The following ETAA1 variants were observed in gnomAD, a reference collection of about 807,000 sequenced individuals.
The protein encoded by ETAA1 is ETAA1 activator of ATR kinase, also known as ewing's tumor-associated antigen 1.
Under a neutral mutation model 76.8 loss-of-function variants are expected in ETAA1, and 49 were observed. That is an observed-to-expected ratio of 0.64 (90% confidence interval 0.51 to 0.81). The LOEUF is 0.81. Among genes scored for constraint, ETAA1 ranks in the 30% least tolerant of loss-of-function variants. ETAA1 has a pLI of 0.00. For synonymous variants in ETAA1, 373 were observed against 372.2 expected, an observed-to-expected ratio of 1.00 and a Z score of -0.03; for missense variants, 1,099 against 1,074.0, an observed-to-expected ratio of 1.02 and a Z score of -0.32.
intron 1 of ETAA1, 40 bp downstream of exon 1, chr2:67,397,711 C>G: frequency 6.6e-7 from 1 of 1,525,132 alleles, no homozygotes; most frequent in South Asian, 1.2e-5. Context: ...GCTTCGGCGC[C>G]GCATCCCCAC....
At position 67,403,587 on chromosome 2, in the gene ETAA1, C is replaced by T; in HGVS notation, c.905C>T (p.Pro302Leu). 6.2e-7 allele frequency: 1 copy of T among 1,613,304 alleles called. No individual in the cohort carries two copies. Among genetic ancestry groups the T allele is most frequent in the Non-Finnish European group, 8.5e-7 (1 of 1,179,406 alleles). Residue 302 changes from proline to leucine, a missense_variant, in exon 5 of 6, where the codon CCA (proline) becomes CTA (leucine). By Grantham distance (98) the Pro-to-Leu change is moderately conservative. Around this residue, in one of 3 missense-constraint regions of ETAA1, gnomAD observed 761 missense variants for 731.9 expected, o/e 1.04. Transcript: ENST00000272342. ...AGCGGACAGTTAAGCCAAGAACTGC[C>T]AGAGGCTTTTTGGAGCACCAGTAAT... Reference protein sequence around the residue: ...KCSGQLSQELPEAFWSTSNTT... With the variant: ...KCSGQLSQELLEAFWSTSNTT...
intron 4 of ETAA1, 95 bp downstream of exon 4, chr2:67,403,069 G>C: frequency 8.4e-7 from 1 of 1,186,418 alleles, no homozygotes; most frequent in Non-Finnish European, 1.1e-6. Flanking sequence ...CAAAATTTTT[G>C]TTAATAAAAT....
chr2:67,403,591 G>A lies in ETAA1; in HGVS notation c.909G>A (p.Glu303=), dbSNP rs1259093009. 12 of 1,613,330 alleles carry A rather than the reference G, an allele frequency of 7.4e-6. No homozygotes were observed. Among genetic ancestry groups the A allele is most frequent in the Middle Eastern group, 1.6e-4 (1 of 6,062 alleles). ...GACAGTTAAGCCAAGAACTGCCAGA[G>A]GCTTTTTGGAGCACCAGTAATACTA... ...CSGQLSQELP[E]AFWSTSNTTF... is the part of the protein sequence containing the mutation. The change falls in exon 5 of 6, where the codon GAG becomes GAA. Residue 303 remains glutamate, a synonymous_variant. Transcript: ENST00000272342.
intron 5 of ETAA1, 106 bp downstream of exon 5, chr2:67,405,441 CT>C: frequency 1.3e-6 from 1 of 767,074 alleles, no homozygotes; most frequent in Non-Finnish European, 2.0e-6. Context: ...TAAAACTATT[CT>C]ATGACTAGTT....
In ETAA1 at chr2:67,404,446, A is replaced by G. The variant is rs61737411; in HGVS notation, c.1764A>G (p.Glu588=). The G allele has an allele frequency of 2.7e-3, 4,293 of 1,613,328 alleles. 86 individuals are homozygous for G. The African/African-American group carries it at 0.043, about 16-fold the overall frequency. Residue 588 remains glutamate (E), a synonymous_variant, in exon 5 of 6, where the codon GAA becomes GAG. Coordinates refer to ENST00000272342, the MANE Select transcript of ETAA1 (RefSeq NM_019002.4). ...GGAATGATCCCTCATTTGCCAATGAAATTATTAAAGCATGTCATCAATTAG... is the reference window on the plus strand; with the variant it reads ...GGAATGATCCCTCATTTGCCAATGAGATTATTAAAGCATGTCATCAATTAG... ...DDWNDPSFAN[E]IIKACHQLDN...
chr2:67,405,181 T>C lies in ETAA1; in HGVS notation c.2499T>C (p.Ser833=). The C allele has an allele frequency of 1.9e-6, 3 of 1,612,506 alleles. No homozygotes were observed. Among genetic ancestry groups the C allele is most frequent in the Non-Finnish European group, 2.5e-6 (3 of 1,179,178 alleles). The change falls in exon 5 of 6, where the codon TCT becomes TCC. Residue 833 remains serine (S), a synonymous_variant. Coordinates refer to ENST00000272342, the MANE Select transcript of ETAA1 (RefSeq NM_019002.4). ...FTRMKNSQIL[S]QFNQNCITGS... Reference sequence around the variant, plus strand: ...GGATGAAAAATTCTCAGATTCTTTCTCAGTTTAATCAAAATTGTATAACTG... The same window carrying C: ...GGATGAAAAATTCTCAGATTCTTTCCCAGTTTAATCAAAATTGTATAACTG...
Position 67,410,190 on chromosome 2 carries a change from G to A in ETAA1, c.*152G>A. 5 of 705,584 alleles carry A rather than the reference G, an allele frequency of 7.1e-6. No individual in the cohort carries two copies. Among genetic ancestry groups the A allele is most frequent in the South Asian group, 2.1e-5 (1 of 48,704 alleles). The allele number at this position is 705,584 out of a possible 1,614,324, so 43.7% of individuals were successfully genotyped here. A position where few individuals can be genotyped will look rare whatever the true frequency, so the allele number is the denominator to read the frequency against. ...TATTTAATAAATCAATGTTTGCAAT[G>A]GTAAATGAAACATTTCCTTGGACAT... On this transcript the variant is annotated 3_prime_UTR_variant, in exon 6 of 6. Coordinates refer to ENST00000272342, the MANE Select transcript of ETAA1 (RefSeq NM_019002.4).
chr2:67,404,591 T>G lies in ETAA1; in HGVS notation c.1909T>G (p.Cys637Gly). The change falls in exon 5 of 6, where the codon TGT becomes GGT. Residue 637 changes from cysteine (C) to glycine (G), a missense_variant. By Grantham distance (159) the Cys-to-Gly change is radical. This residue lies in a region of ETAA1 where 36 missense variants were observed against 64.0 expected (regional missense o/e 0.56). Transcript: ENST00000272342. ...RKDSKTSESI[C>G]EINNNSEHGA... ...GGACAGTAAGACATCAGAAAGTATA[T>G]GTGAGATCAATAATAATTCCGAACA... 1.2e-6 allele frequency: 2 copies of G among 1,613,346 alleles called. No homozygotes were observed. Among genetic ancestry groups the G allele is most frequent in the Non-Finnish European group, 8.5e-7 (1 of 1,179,504 alleles).
At chr2:67,409,052 C>T (rs1676294577) in intron 5 of ETAA1, among the ~76,000 whole-genome samples, 3 of 151,934 alleles carry the variant, frequency 2.0e-5, no homozygotes, top group Admixed American at 2.0e-4. Flanking sequence ...AGCCTGAATA[C>T]CCCCTCCCAT....
chr2:67,398,306 C>CTTTTTTTT (rs57636211), intron 1 of ETAA1, among the ~76,000 whole-genome samples: 1 of 85,408 alleles, frequency 1.2e-5, no homozygotes, highest in Non-Finnish European at 2.4e-5. Context: ...TGAAATAGTG[C>CTTTTTTTT]TTTTTTTTTT....
chr2:67,399,746 A>G, intron 3 of ETAA1, 120 bp downstream of exon 3: 2 of 598,716 alleles, frequency 3.3e-6, no homozygotes, highest in Non-Finnish European at 5.6e-6. Flanking sequence ...AAAATAAGGC[A>G]GCAAAGATTA....
Position 67,404,965 on chromosome 2 carries a change from A to C in ETAA1, c.2283A>C (p.Ile761=). 6.2e-7 allele frequency: 1 copy of C among 1,612,896 alleles called. No individual in the cohort carries two copies. Among genetic ancestry groups the C allele is most frequent in the Admixed American group, 1.7e-5 (1 of 59,840 alleles). Residue 761 remains isoleucine, a synonymous_variant, in exon 5 of 6, where the codon ATA becomes ATC. Transcript: ENST00000272342. ...HVSYTNTDVP[I]QVNSSKLVLP... The stretch of plus-strand genomic sequence containing the variant: ...CTTATACTAACACTGATGTTCCAAT[A>C]CAAGTGAATAGTTCCAAATTGGTTC...
intron 5 of ETAA1, among the ~76,000 whole-genome samples, chr2:67,406,896 T>TG (rs1218459950): frequency 6.6e-6 from 1 of 152,116 alleles, no homozygotes. Context: ...ATATATATGG[T>TG]GGATGTATCA....
Position 67,397,533 on chromosome 2 carries a change from G to A in ETAA1, c.85G>A (p.Val29Met), listed in dbSNP as rs202103721. ...AGTGGCGGCGGAGGAATGCGGCTCG[G>A]TGGTCGAGCCAGGGAGGAGGCGGCT... ...KTVAAEECGS[V>M]VEPGRRRLRS... The change falls in exon 1 of 6, where the codon GTG (valine) becomes ATG (methionine). Residue 29 changes from valine to methionine, a missense_variant. Physicochemically the swap from Val to Met is conservative, Grantham distance 21. This residue lies in a region of ETAA1 where 761 missense variants were observed against 731.9 expected (regional missense o/e 1.04). Coordinates refer to ENST00000272342, the MANE Select transcript of ETAA1 (RefSeq NM_019002.4). 895 of 1,587,966 alleles carry A rather than the reference G, an allele frequency of 5.6e-4. 2 individuals carry two copies. Among genetic ancestry groups the A allele is most frequent in the Admixed American group, 1.3e-3 (71 of 56,522 alleles).
At chr2:67,397,963 C>T (rs1047591883) in intron 1 of ETAA1, among the ~76,000 whole-genome samples, 1 of 152,206 alleles carries the variant, frequency 6.6e-6, no homozygotes, top group African/African-American at 2.4e-5. Flanking sequence ...CTCCTCCAGT[C>T]AGCAGCAGTG....
In ETAA1 at chr2:67,397,682, G is replaced by T; in HGVS notation, c.223+11G>T. On this transcript the variant is annotated intron_variant, in intron 1 of 5. Transcript: ENST00000272342. ...AAAGTAACCCCGAGGGTGAGACGTC[G>T]GCAGCGCGGCCTGCCTTGGCTTCGG... The T allele has an allele frequency of 6.5e-7, 1 of 1,544,990 alleles. No homozygotes were observed. The highest frequency in any genetic ancestry group is 1.2e-5 in the South Asian group (1 of 83,954).
chr2:67,398,585 C>T (rs1675965235), intron 1 of ETAA1, among the ~76,000 whole-genome samples: 1 of 152,028 alleles, frequency 6.6e-6, no homozygotes, highest in African/African-American at 2.4e-5. Context: ...ATCCACCCGC[C>T]TCGGCCTCCC....
At position 67,402,946 on chromosome 2, in the gene ETAA1, A is replaced by G; in HGVS notation, c.514A>G (p.Lys172Glu). The change falls in exon 4 of 6, where the codon AAA becomes GAA. Residue 172 changes from lysine (K) to glutamate (E), a missense_variant. Coordinates refer to ENST00000272342, the MANE Select transcript of ETAA1 (RefSeq NM_019002.4). ...IPCTPSVAKGKSRAKISCTKL... is the reference protein window; with the variant it reads ...IPCTPSVAKGESRAKISCTKL... The stretch of plus-strand genomic sequence containing the variant: ...TTGTACTCCCAGTGTAGCAAAAGGA[A>G]AATCAAGAGCAAAAATCAGCTGCAC... The G allele has an allele frequency of 6.2e-7, 1 of 1,607,348 alleles. No homozygotes were observed. The highest frequency in any genetic ancestry group is 2.2e-5 in the East Asian group (1 of 44,476).
At position 67,404,041 on chromosome 2, in the gene ETAA1, C is replaced by G. The variant is rs1354142930; in HGVS notation, c.1359C>G (p.Asp453Glu). The stretch of plus-strand genomic sequence containing the variant: ...AAGATCTTTCTTCAAAGACATATGA[C>G]AGAGAATTAATAGATGCAGAATATA... Reference protein sequence around the residue: ...VLQDLSSKTYDRELIDAEYRF... With the variant: ...VLQDLSSKTYERELIDAEYRF... The change falls in exon 5 of 6, where the codon GAC (aspartate) becomes GAG (glutamate). Residue 453 changes from aspartate (D) to glutamate (E), a missense_variant. Physicochemically the swap from Asp to Glu is conservative, Grantham distance 45. Coordinates refer to ENST00000272342, the MANE Select transcript of ETAA1 (RefSeq NM_019002.4). 2 of 1,606,698 alleles carry G rather than the reference C, an allele frequency of 1.2e-6. No homozygotes were observed. Among genetic ancestry groups the G allele is most frequent in the Non-Finnish European group, 1.7e-6 (2 of 1,176,678 alleles).
Sources: gnomAD v4.1 joint callset for allele counts (sites outside exome capture counted in the v4.1 genomes callset) on GRCh38, gnomAD v4.1.1 for gene constraint, gnomAD v4.1.1 regional missense constraint, MANE v1.5 for transcripts, NCBI Gene and HGNC (gene_info 2026-07-23, HGNC 2026-07-21) for gene names.